The following STEAP1 variants were observed in gnomAD, a reference collection of about 807,000 sequenced individuals.
STEAP1 encodes the protein STEAP1 protein.
Under a neutral mutation model 34.4 loss-of-function variants are expected in STEAP1, and 30 were observed. The ratio of observed to expected loss-of-function variants is 0.87; its 90% confidence interval spans 0.65 to 1.18. STEAP1 has a LOEUF of 1.18. Among genes scored for constraint, STEAP1 ranks in the 50% most tolerant of loss-of-function variants. STEAP1 has a pLI of 0.00. For missense variants in STEAP1, 318 were observed against 391.1 expected (o/e 0.81, Z 1.58); for synonymous variants, 116 against 135.3 (o/e 0.86, Z 0.99).
chr7:90,159,474 G>C (rs1213099194), intron 1 of STEAP1, among the ~76,000 whole-genome samples: 1 of 152,174 alleles, frequency 6.6e-6, no homozygotes, highest in Non-Finnish European at 1.5e-5. Context: ...TCTTCCTCAA[G>C]TAAAAGGCAA....
At chr7:90,155,323 T>C (rs930134167) in intron 1 of STEAP1, among the ~76,000 whole-genome samples, 1 of 151,528 alleles carries the variant, frequency 6.6e-6, no homozygotes, top group African/African-American at 2.4e-5. Context: ...CACTTGAAAG[T>C]ATAAAAGGTT....
chr7:90,164,378 A>G (rs748830202), intron 4 of STEAP1, 99 bp from the exon 5 acceptor site: 118 of 1,338,914 alleles, frequency 8.8e-5, no homozygotes, highest in Non-Finnish European at 1.0e-4. Context: ...AAACAATCAT[A>G]GATAAAGGAT....
chr7:90,164,820 T>G lies in STEAP1; in HGVS notation c.*86T>G. 1 of 1,308,184 alleles carries G rather than the reference T, an allele frequency of 7.6e-7. No individual in the cohort carries two copies. The highest frequency in any genetic ancestry group is 1.6e-5 in the South Asian group (1 of 63,874). 81.0% of individuals were successfully genotyped at this position (1,308,184 alleles called of 1,614,324 possible). On this transcript the variant is annotated 3_prime_UTR_variant, in exon 5 of 5. Coordinates refer to ENST00000297205, the MANE Select transcript of STEAP1 (RefSeq NM_012449.3). Reference sequence around the variant, plus strand: ...TTTGTATTTGTTAATAAAATGATTATTCAAGGATCTTGATGTTTCTCTTTG... The same window carrying G: ...TTTGTATTTGTTAATAAAATGATTAGTCAAGGATCTTGATGTTTCTCTTTG...
At chr7:90,155,995 T>G (rs1482239856) in intron 1 of STEAP1, among the ~76,000 whole-genome samples, 1 of 152,226 alleles carries the variant, frequency 6.6e-6, no homozygotes, top group African/African-American at 2.4e-5. Context: ...CGCTCTACCA[T>G]GCAGTTGAAA....
intron 4 of STEAP1, among the ~76,000 whole-genome samples, chr7:90,162,517 C>T (rs1377400284): frequency 6.6e-6 from 1 of 151,958 alleles, no homozygotes; most frequent in Non-Finnish European, 1.5e-5. Flanking sequence ...TTAGTAGAGA[C>T]AGGGTTTTCC....
chr7:90,156,515 G>C (rs1302113752), intron 1 of STEAP1, among the ~76,000 whole-genome samples: 1 of 152,268 alleles, frequency 6.6e-6, no homozygotes, highest in African/African-American at 2.4e-5. Flanking sequence ...CAGGAGGGGA[G>C]TGGCAGGCCA....
intron 3 of STEAP1, among the ~76,000 whole-genome samples, 192 bp downstream of exon 3, chr7:90,161,509 T>C (rs1198913235): frequency 1.3e-5 from 2 of 152,198 alleles, no homozygotes; most frequent in Non-Finnish European, 2.9e-5. Context: ...GAAATGTTTT[T>C]TAGGCTGAAA....
rs750972921 is a variant in STEAP1, at chr7:90,164,690, G to A, written c.976G>A (p.Asp326Asn). 6.8e-6 allele frequency: 11 copies of A among 1,613,182 alleles called. No homozygotes were observed. In the Admixed American group the frequency reaches 1.7e-4, roughly 24 times the overall value. The change falls in exon 5 of 5, where the codon GAC becomes AAC. Residue 326 changes from aspartate (D) to asparagine (N), a missense_variant. Asp to Asn is a conservative substitution (Grantham distance 23). Transcript: ENST00000297205. ...ACTGAAGATTAGACATGGTTGGGAA[G>A]ACGTCACCAAAATTAACAAAACTGA... ...KILKIRHGWE[D>N]VTKINKTEIC...
chr7:90,161,928 A>G lies in STEAP1; in HGVS notation c.612A>G (p.Lys204=). Reference sequence around the variant, plus strand: ...CCTTCTGGTAGGTCCAACAAAATAAAGAAGATGCCTGGATTGAGCATGATG... The same window carrying G: ...CCTTCTGGTAGGTCCAACAAAATAAGGAAGATGCCTGGATTGAGCATGATG... ...NWAYQQVQQN[K]EDAWIEHDVW... The change falls in exon 4 of 5, where the codon AAA becomes AAG. Residue 204 remains lysine, a synonymous_variant. Coordinates refer to ENST00000297205, the MANE Select transcript of STEAP1 (RefSeq NM_012449.3). 6.3e-7 allele frequency: 1 copy of G among 1,595,054 alleles called. No individual in the cohort carries two copies.
In STEAP1 at chr7:90,160,802, T is replaced by C. The variant is rs752020719; in HGVS notation, c.85-3T>C. ...TAAGATGTTAATTTTCTTTCCTTTG[T>C]AGCATAAGGACACGGGAGAGACCAG... On this transcript the variant is annotated splice_region_variant and splice_polypyrimidine_tract_variant and intron_variant, in intron 2 of 4. Transcript: ENST00000297205. 2 of 1,607,446 alleles carry C rather than the reference T, an allele frequency of 1.2e-6. No homozygotes were observed. The highest frequency in any genetic ancestry group is 1.7e-6 in the Non-Finnish European group (2 of 1,176,116).
intron 2 of STEAP1, among the ~76,000 whole-genome samples, chr7:90,160,486 A>C (rs1794168305): frequency 6.6e-6 from 1 of 150,740 alleles, no homozygotes; most frequent in South Asian, 2.1e-4. Context: ...ATTTAATCTT[A>C]ATAATTTTAA....
At chr7:90,154,975 G>A (rs1189107742) in intron 1 of STEAP1, among the ~76,000 whole-genome samples, 3 of 152,184 alleles carry the variant, frequency 2.0e-5, no homozygotes, top group South Asian at 2.1e-4. Context: ...CCTGGTAACA[G>A]AGGTTTTCAT....
In STEAP1 at chr7:90,161,973, T is replaced by C; in HGVS notation, c.657T>C (p.Tyr219=). ...IEHDVWRMEI[Y]VSLGIVGLAI... is the part of the protein sequence containing the mutation. ...ATGATGTTTGGAGAATGGAGATTTA[T>C]GTGTCTCTGGGAATTGTGGGATTGG... The change falls in exon 4 of 5, where the codon TAT becomes TAC. Residue 219 remains tyrosine, a synonymous_variant. Coordinates refer to ENST00000297205, the MANE Select transcript of STEAP1 (RefSeq NM_012449.3). 1.2e-6 allele frequency: 2 copies of C among 1,613,884 alleles called. No homozygotes were observed. Among genetic ancestry groups the C allele is most frequent in the South Asian group, 1.1e-5 (1 of 91,076 alleles).
chr7:90,163,017 C>A, intron 4 of STEAP1: 1 of 434,828 alleles, frequency 2.3e-6, no homozygotes, highest in Non-Finnish European at 5.0e-6. Context: ...CTCTGGGATC[C>A]TTGTCTGACA....
intron 2 of STEAP1, among the ~76,000 whole-genome samples, chr7:90,160,598 C>A (rs1273619675): frequency 1.3e-5 from 2 of 150,658 alleles, no homozygotes; most frequent in Non-Finnish European, 3.0e-5. Context: ...TCTTACCTGT[C>A]TGAAGCATGT....
chr7:90,161,170 T>C lies in STEAP1; in HGVS notation c.450T>C (p.Phe150=). 1 of 1,613,994 alleles carries C rather than the reference T, an allele frequency of 6.2e-7. No homozygotes were observed. Among genetic ancestry groups the C allele is most frequent in the Non-Finnish European group, 8.5e-7 (1 of 1,179,870 alleles). The change falls in exon 3 of 5, where the codon TTT becomes TTC. Residue 150 remains phenylalanine (F), a synonymous_variant. Transcript: ENST00000297205. ...QLHNGTKYKK[F]PHWLDKWMLT... is the part of the protein sequence containing the mutation. ...ATAATGGAACCAAGTATAAGAAGTT[T>C]CCACATTGGTTGGATAAGTGGATGT...
intron 3 of STEAP1, 63 bp from the exon 4 acceptor site, chr7:90,161,851 A>G: frequency 6.4e-7 from 1 of 1,554,100 alleles, no homozygotes; most frequent in Non-Finnish European, 8.7e-7. Context: ...GTGTAGAAGG[A>G]GATTCACATT....
Position 90,162,050 on chromosome 7 carries a change from T to C in STEAP1, c.734T>C (p.Leu245Ser). The C allele has an allele frequency of 6.2e-7, 1 of 1,608,434 alleles. No homozygotes were observed. Reference protein sequence around the residue: ...VTSIPSVSDSLTWREFHYIQS... With the variant: ...VTSIPSVSDSSTWREFHYIQS... ...TCTATTCCATCTGTGAGTGACTCTT[T>C]GACATGGAGAGAATTTCACTATATT... Residue 245 changes from leucine to serine, a missense_variant, in exon 4 of 5, where the codon TTG becomes TCG. By Grantham distance (145) the Leu-to-Ser change is moderately radical. Coordinates refer to ENST00000297205, the MANE Select transcript of STEAP1 (RefSeq NM_012449.3).
At position 90,162,022 on chromosome 7, in the gene STEAP1, A is replaced by T. The variant is rs750601916; in HGVS notation, c.706A>T (p.Thr236Ser). 1 of 1,613,878 alleles carries T rather than the reference A, an allele frequency of 6.2e-7. No homozygotes were observed. The highest frequency in any genetic ancestry group is 8.5e-7 in the Non-Finnish European group (1 of 1,179,840). The change falls in exon 4 of 5, where the codon ACA (threonine) becomes TCA (serine). Residue 236 changes from threonine (T) to serine (S), a missense_variant. Transcript: ENST00000297205. ...GLAILALLAV[T>S]SIPSVSDSLT... ...GGCAATACTGGCTCTGTTGGCTGTG[A>T]CATCTATTCCATCTGTGAGTGACTC...
Sources: gnomAD v4.1 joint callset for allele counts (sites outside exome capture counted in the v4.1 genomes callset) on GRCh38, gnomAD v4.1.1 for gene constraint, MANE v1.5 for transcripts, NCBI Gene and HGNC (gene_info 2026-07-23, HGNC 2026-07-21) for gene names.